ABTB3: variants seen among roughly 807,000 people sequenced by gnomAD.
ABTB3 encodes ankyrin repeat- and BTB/POZ domain-containing protein 3.
chr12:107,463,591 T>C, the ABTB3 span, among the ~76,000 whole-genome samples: 1 of 152,182 alleles, frequency 6.6e-6, no homozygotes, highest in African/African-American at 2.4e-5. Flanking sequence ...AGCTGGGCTT[T>C]GAACTAAGAT....
the ABTB3 span, among the ~76,000 whole-genome samples, chr12:107,573,280 A>G: frequency 6.6e-6 from 1 of 152,352 alleles, no homozygotes; most frequent in Non-Finnish European, 1.5e-5. Context: ...AGCAGTAGAA[A>G]GAGAAGGCTA....
At chr12:107,399,983 C>T in the ABTB3 span, among the ~76,000 whole-genome samples, 1 of 152,168 alleles carries the variant, frequency 6.6e-6, no homozygotes, top group East Asian at 1.9e-4. Flanking sequence ...TGATGGTTTC[C>T]AGCTTCATCC....
At chr12:107,574,893 C>T in the ABTB3 span, among the ~76,000 whole-genome samples, 2 of 152,280 alleles carry the variant, frequency 1.3e-5, no homozygotes, top group South Asian at 2.1e-4. Context: ...CTGCAGAAAC[C>T]ACCCTCGTGG....
chr12:107,602,447 G>A, the ABTB3 span, among the ~76,000 whole-genome samples: 2 of 152,158 alleles, frequency 1.3e-5, no homozygotes, highest in Non-Finnish European at 2.9e-5. Context: ...GATTATCATA[G>A]GAGATCTCTG....
chr12:107,375,528 C>T, the ABTB3 span, among the ~76,000 whole-genome samples: 2 of 152,158 alleles, frequency 1.3e-5, no homozygotes, highest in Non-Finnish European at 2.9e-5. Flanking sequence ...CCTCTCCTCC[C>T]TGTGGGCCAG....
the ABTB3 span, among the ~76,000 whole-genome samples, chr12:107,622,054 A>C: frequency 6.6e-6 from 1 of 151,842 alleles, no homozygotes; most frequent in African/African-American, 2.4e-5. Flanking sequence ...TAGCCTGGGC[A>C]ACATGATGAA....
At chr12:107,528,829 GTGA>G in the ABTB3 span, among the ~76,000 whole-genome samples, 1 of 150,802 alleles carries the variant, frequency 6.6e-6, no homozygotes, top group Non-Finnish European at 1.5e-5. Context: ...GGTGGTCATG[GTGA>G]TGATGATGGT....
the ABTB3 span, among the ~76,000 whole-genome samples, chr12:107,469,998 TTCTTTCTTTCTTTCTCTC>T: frequency 4.1e-4 from 25 of 61,304 alleles, 1 homozygote; most frequent in Admixed American, 4.4e-4. Context: ...CTTTCTTTCT[TTCTTTCTTTCTTTCTCTC>T]TCTCTCTCTC....
chr12:107,411,396 G>A, the ABTB3 span, among the ~76,000 whole-genome samples: 1 of 152,212 alleles, frequency 6.6e-6, no homozygotes, highest in African/African-American at 2.4e-5. Context: ...TCTCCTATGT[G>A]TAGACATTCA....
chr12:107,465,590 G>C, the ABTB3 span, among the ~76,000 whole-genome samples: 1 of 152,142 alleles, frequency 6.6e-6, no homozygotes, highest in Admixed American at 6.5e-5. Flanking sequence ...TCAGGGGCAG[G>C]GGGTGCTGGG....
chr12:107,500,483 A>G, the ABTB3 span, among the ~76,000 whole-genome samples: 6 of 152,176 alleles, frequency 3.9e-5, no homozygotes, highest in African/African-American at 1.4e-4. Flanking sequence ...TGATTAGTGC[A>G]GCGCCTCACT....
chr12:107,644,874 C>G, the ABTB3 span, among the ~76,000 whole-genome samples: 1 of 151,922 alleles, frequency 6.6e-6, no homozygotes, highest in African/African-American at 2.4e-5. Flanking sequence ...TGCATAAGTT[C>G]AGGTCTCCAG....
the ABTB3 span, among the ~76,000 whole-genome samples, chr12:107,351,174 T>C: frequency 6.6e-6 from 1 of 152,362 alleles, no homozygotes; most frequent in Admixed American, 6.5e-5. Flanking sequence ...CAAGGGGCTT[T>C]TCATACCTTT....
At chr12:107,454,305 T>C in the ABTB3 span, among the ~76,000 whole-genome samples, 95 of 152,330 alleles carry the variant, frequency 6.2e-4, 1 homozygote, top group East Asian at 0.017. Context: ...TGAGGCCCCT[T>C]GTTAAAAATC....
At chr12:107,592,428 A>G in the ABTB3 span, among the ~76,000 whole-genome samples, 1 of 152,252 alleles carries the variant, frequency 6.6e-6, no homozygotes. Flanking sequence ...ATAAGAAGAC[A>G]TGTACATGGA....
At chr12:107,626,575 C>T in the ABTB3 span, among the ~76,000 whole-genome samples, 5 of 151,914 alleles carry the variant, frequency 3.3e-5, no homozygotes, top group Non-Finnish European at 7.4e-5. Context: ...GTCTCGATCT[C>T]CTGACCTCGT....
chr12:107,630,696 A>G, the ABTB3 span, among the ~76,000 whole-genome samples: 1 of 152,104 alleles, frequency 6.6e-6, no homozygotes, highest in Non-Finnish European at 1.5e-5. Context: ...TGGCCTCCCA[A>G]GCAGCTGGGA....
chr12:107,609,087 T>C, the ABTB3 span, among the ~76,000 whole-genome samples: 4 of 152,198 alleles, frequency 2.6e-5, no homozygotes, highest in African/African-American at 9.6e-5. Context: ...GGCGGCTTCC[T>C]TGCACTCCTG....
At chr12:107,515,076 A>G in the ABTB3 span, among the ~76,000 whole-genome samples, 1 of 152,070 alleles carries the variant, frequency 6.6e-6, no homozygotes, top group Non-Finnish European at 1.5e-5. Flanking sequence ...CATTACTATC[A>G]CCCCCATTTC....
Sources: allele counts gnomAD v4.1 joint callset (sites outside exome capture counted in the v4.1 genomes callset), GRCh38; gene constraint gnomAD v4.1.1; transcripts MANE v1.5; gene names NCBI Gene and HGNC (gene_info 2026-07-23, HGNC 2026-07-21).